PTPRC: variants seen among roughly 807,000 people sequenced by gnomAD.
PTPRC encodes the protein protein tyrosine phosphatase receptor type C, also known as receptor-type tyrosine-protein phosphatase C.
PTPRC carries 44 observed loss-of-function variants against 155.9 expected under a neutral mutation model. The observed-to-expected ratio is 0.28, with a 90% confidence interval of 0.22 to 0.36. The LOEUF (loss-of-function observed/expected upper bound fraction) is 0.36, where lower values mean the gene tolerates loss of function less well. PTPRC is among the 10% of genes least tolerant of loss of function. The pLI is 1.00. For synonymous variants in PTPRC, 525 were observed against 533.1 expected (o/e 0.98, Z 0.21); for missense variants, 1,401 against 1,564.6 (o/e 0.90, Z 1.76).
intron 10 of PTPRC, among the ~76,000 whole-genome samples, chr1:198,708,953 G>A (rs1653142712): frequency 6.6e-6 from 1 of 152,200 alleles, no homozygotes. Context: ...ACACATAGAG[G>A]ATGGAGCATT....
At chr1:198,676,196 C>T (rs1466870040) in intron 2 of PTPRC, among the ~76,000 whole-genome samples, 2 of 152,060 alleles carry the variant, frequency 1.3e-5, no homozygotes, top group Non-Finnish European at 2.9e-5. Context: ...TAGTATTGGA[C>T]GCCACAATCT....
chr1:198,663,546 T>C (rs1374946699), intron 2 of PTPRC, among the ~76,000 whole-genome samples: 2 of 152,238 alleles, frequency 1.3e-5, no homozygotes, highest in African/African-American at 4.8e-5. Context: ...GACAAAGCCC[T>C]GACCTGGACA....
chr1:198,701,215 C>T (rs898387889), intron 5 of PTPRC, among the ~76,000 whole-genome samples: 6 of 152,152 alleles, frequency 3.9e-5, no homozygotes, highest in African/African-American at 7.2e-5. Context: ...GAGCTGAGAA[C>T]CCATGCTCAA....
chr1:198,647,673 A>G (rs1663011715), intron 2 of PTPRC, among the ~76,000 whole-genome samples: 1 of 151,936 alleles, frequency 6.6e-6, no homozygotes, highest in South Asian at 2.1e-4. Context: ...TATAGAAATG[A>G]ATAGAAAAAT....
chr1:198,696,951 C>G, intron 4 of PTPRC, 42 bp downstream of exon 4: 1 of 1,521,112 alleles, frequency 6.6e-7, no homozygotes. Context: ...CAGGGAATGT[C>G]ATTTAGAAAA....
rs147330361 is a variant in PTPRC, at chr1:198,756,675, T to G, written c.*494T>G. 1,330 of 162,918 alleles carry G rather than the reference T, an allele frequency of 8.2e-3. 29 individuals are homozygous for G. The highest frequency in any genetic ancestry group is 0.03 in the African/African-American group (1,252 of 41,570). The allele number at this position is 162,918 out of a possible 1,614,324, so 10.1% of individuals were successfully genotyped here. A position where few individuals can be genotyped will look rare whatever the true frequency, so the allele number is the denominator to read the frequency against. ...CCTCAAGATGTCCTCCTTGTTCTAC[T>G]CATATATATCTATCTTATATAGTTT... On this transcript the variant is annotated 3_prime_UTR_variant, in exon 33 of 33. Transcript: ENST00000442510.
At chr1:198,643,418 A>C (rs1054252530) in intron 2 of PTPRC, among the ~76,000 whole-genome samples, 1 of 151,992 alleles carries the variant, frequency 6.6e-6, no homozygotes, top group Admixed American at 6.6e-5. Flanking sequence ...AAGAGGGAGA[A>C]TATGAGATAA....
At chr1:198,684,966 G>T (rs918013021) in intron 2 of PTPRC, among the ~76,000 whole-genome samples, 2 of 152,030 alleles carry the variant, frequency 1.3e-5, no homozygotes, top group East Asian at 3.9e-4. Flanking sequence ...GAAATTCTTT[G>T]GACATTGGTG....
chr1:198,707,467 G>A (rs775476504), intron 9 of PTPRC, among the ~76,000 whole-genome samples: 8 of 152,166 alleles, frequency 5.3e-5, no homozygotes, highest in African/African-American at 1.4e-4. Flanking sequence ...GGTGACAGGC[G>A]TCGGGCAGAC....
At chr1:198,716,131 T>A (rs778236435) in intron 12 of PTPRC, among the ~76,000 whole-genome samples, 3 of 152,194 alleles carry the variant, frequency 2.0e-5, no homozygotes, top group Non-Finnish European at 2.9e-5. Context: ...AATGAACAGC[T>A]GAATTCCACT....
intron 2 of PTPRC, among the ~76,000 whole-genome samples, chr1:198,685,939 A>G (rs1328135340): frequency 1.3e-5 from 2 of 151,028 alleles, no homozygotes; most frequent in Non-Finnish European, 3.0e-5. Context: ...AGGAAATAGC[A>G]TCCCATTTTT....
intron 15 of PTPRC, among the ~76,000 whole-genome samples, chr1:198,727,768 G>A (rs1654205275): frequency 6.6e-6 from 1 of 152,136 alleles, no homozygotes; most frequent in South Asian, 2.1e-4. Context: ...CCCTAGGAAA[G>A]GGCAGGATTT....
chr1:198,683,604 T>A (rs1389943428), intron 2 of PTPRC, among the ~76,000 whole-genome samples: 1 of 152,088 alleles, frequency 6.6e-6, no homozygotes, highest in Non-Finnish European at 1.5e-5. Flanking sequence ...CTTGTTTCCA[T>A]CATAATCACC....
intron 5 of PTPRC, among the ~76,000 whole-genome samples, chr1:198,701,878 CTATT>C (rs1183793857): frequency 6.6e-6 from 1 of 152,206 alleles, no homozygotes; most frequent in Non-Finnish European, 1.5e-5. Flanking sequence ...CCATTCAGCT[CTATT>C]TTAAGAAAAT....
chr1:198,727,785 A>T (rs902977374), intron 15 of PTPRC, among the ~76,000 whole-genome samples: 2 of 152,186 alleles, frequency 1.3e-5, no homozygotes, highest in Non-Finnish European at 2.9e-5. Flanking sequence ...ATTTCACATT[A>T]AACTTAGTGA....
At position 198,741,540 on chromosome 1, in the gene PTPRC, G is replaced by T. The variant is rs1039980587; in HGVS notation, c.2404-329G>T. Among the ~76,000 whole-genome samples, 8 of 151,344 alleles carry T rather than the reference G, an allele frequency of 5.3e-5. No homozygotes were observed. The East Asian group carries it at 5.9e-4, about 11-fold the overall frequency. Reference sequence around the variant, plus strand: ...CTTTTATGGTGTATGTTTATTTTGGGTTTTTTTTGCTTGACAGCATGCAAG... The same window carrying T: ...CTTTTATGGTGTATGTTTATTTTGGTTTTTTTTTGCTTGACAGCATGCAAG... On this transcript the variant is annotated intron_variant, in intron 23 of 32. Coordinates refer to ENST00000442510, the MANE Select transcript of PTPRC (RefSeq NM_002838.5).
intron 2 of PTPRC, chr1:198,679,832 C>A (rs1665199077): frequency 1.8e-6 from 1 of 562,160 alleles, no homozygotes; most frequent in Non-Finnish European, 3.2e-6. Flanking sequence ...CCGGGAGCGT[C>A]CGGGTCTGTT....
At chr1:198,683,603 A>G (rs894967944) in intron 2 of PTPRC, among the ~76,000 whole-genome samples, 4 of 152,086 alleles carry the variant, frequency 2.6e-5, no homozygotes, top group African/African-American at 9.7e-5. Flanking sequence ...CCTTGTTTCC[A>G]TCATAATCAC....
At chr1:198,742,092 G>A in intron 24 of PTPRC, 66 bp downstream of exon 24, 1 of 1,603,926 alleles carries the variant, frequency 6.2e-7, no homozygotes, top group Non-Finnish European at 8.5e-7. Flanking sequence ...ACCTGCCTAG[G>A]GCTGTTAGAG....
Sources: allele counts gnomAD v4.1 joint callset (sites outside exome capture counted in the v4.1 genomes callset), GRCh38; gene constraint gnomAD v4.1.1; transcripts MANE v1.5; gene names NCBI Gene and HGNC (gene_info 2026-07-23, HGNC 2026-07-21).